NBAS: variants seen among roughly 807,000 people sequenced by gnomAD.
The protein encoded by NBAS is NAG/BC035112 fusion.
Under a neutral mutation model 302.5 loss-of-function variants are expected in NBAS, and 219 were observed. The observed-to-expected ratio is 0.72, with a 90% confidence interval of 0.65 to 0.81. NBAS has a LOEUF of 0.81. Among genes scored for constraint, NBAS ranks in the 30% least tolerant of loss-of-function variants. The pLI is 0.00. For synonymous variants in NBAS, 1,118 were observed against 1,021.6 expected (o/e 1.09, Z -1.80); for missense variants, 2,932 against 2,841.6 (o/e 1.03, Z -0.72).
At chr2:15,534,073 G>A (rs1286058756) in intron 9 of NBAS, among the ~76,000 whole-genome samples, 1 of 152,166 alleles carries the variant, frequency 6.6e-6, no homozygotes, top group Non-Finnish European at 1.5e-5. Context: ...CAATGTAGAT[G>A]CAAATACACA....
chr2:15,474,312 G>A lies in NBAS; in HGVS notation c.1354C>T (p.Leu452Phe), dbSNP rs751520196. The stretch of plus-strand genomic sequence containing the variant: ...TCCAAACGAGATCGTTTGGGGGCAA[G>A]TTTAATCTCACACTAAATTGAAAAA... ...GFLSLECEIK[L>F]APKRSRLETR... Residue 452 changes from leucine to phenylalanine, a missense_variant, in exon 15 of 52, where the codon CTT becomes TTT. By Grantham distance (22) the Leu-to-Phe change is conservative. Transcript: ENST00000281513. 1.6e-5 allele frequency: 26 copies of A among 1,612,816 alleles called. No homozygotes were observed. The highest frequency in any genetic ancestry group is 2.1e-5 in the Non-Finnish European group (25 of 1,179,336).
intron 48 of NBAS, among the ~76,000 whole-genome samples, chr2:15,191,428 T>G (rs1665350415): frequency 6.6e-6 from 1 of 152,214 alleles, no homozygotes; most frequent in Non-Finnish European, 1.5e-5. Context: ...ATGGGAAGCC[T>G]TGTTCACACA....
At chr2:15,358,080 T>C (rs1043147341) in intron 32 of NBAS, among the ~76,000 whole-genome samples, 2 of 152,144 alleles carry the variant, frequency 1.3e-5, no homozygotes, top group Admixed American at 6.5e-5. Flanking sequence ...GGCCTGTTGC[T>C]ACCAGCCAGA....
chr2:14,918,923 A>G, the NBAS span, among the ~76,000 whole-genome samples: 1 of 152,036 alleles, frequency 6.6e-6, no homozygotes, highest in Non-Finnish European at 1.5e-5. Flanking sequence ...GACAGAAGGA[A>G]TAGGGATGGC....
intron 21 of NBAS, among the ~76,000 whole-genome samples, chr2:15,431,070 G>C (rs1677741449): frequency 2.6e-5 from 4 of 151,642 alleles, no homozygotes; most frequent in African/African-American, 9.7e-5. Context: ...GCCTCCCAAA[G>C]TGCTGGGATT....
At chr2:15,126,638 G>A in the NBAS span, among the ~76,000 whole-genome samples, 1 of 152,166 alleles carries the variant, frequency 6.6e-6, no homozygotes, top group Non-Finnish European at 1.5e-5. Context: ...GAGAGTGGTG[G>A]TAATTATTTC....
At chr2:14,849,655 A>G in the NBAS span, among the ~76,000 whole-genome samples, 1 of 140,360 alleles carries the variant, frequency 7.1e-6, no homozygotes, top group Non-Finnish European at 1.5e-5. Context: ...GAAATGAAGG[A>G]AAAAGTGTTA....
intron 21 of NBAS, among the ~76,000 whole-genome samples, chr2:15,449,543 A>C (rs192779073): frequency 6.9e-4 from 105 of 152,310 alleles, no homozygotes; most frequent in African/African-American, 2.4e-3. Context: ...AACTACTCTG[A>C]AATAATACTG....
At chr2:15,371,922 TTAAG>T (rs1231929334) in intron 31 of NBAS, among the ~76,000 whole-genome samples, 1 of 152,170 alleles carries the variant, frequency 6.6e-6, no homozygotes, top group Non-Finnish European at 1.5e-5. Flanking sequence ...AAAAATACCT[TTAAG>T]TATAAAAATA....
chr2:15,256,099 C>T (rs981020879), intron 44 of NBAS, among the ~76,000 whole-genome samples: 2 of 151,698 alleles, frequency 1.3e-5, no homozygotes, highest in Non-Finnish European at 2.9e-5. Flanking sequence ...GAATGATGAT[C>T]GTATTTTGGT....
chr2:15,344,550 C>A (rs1448250163), intron 35 of NBAS, among the ~76,000 whole-genome samples: 2 of 152,062 alleles, frequency 1.3e-5, no homozygotes, highest in Non-Finnish European at 2.9e-5. Flanking sequence ...AGCCCAGGAC[C>A]AGATGGATTC....
intron 2 of NBAS, among the ~76,000 whole-genome samples, chr2:15,558,314 G>A (rs147696750): frequency 1.3e-5 from 2 of 152,264 alleles, no homozygotes; most frequent in African/African-American, 2.4e-5. Flanking sequence ...CATGGCCCAG[G>A]AATTGAGGAC....
chr2:14,837,733 C>A, the NBAS span, among the ~76,000 whole-genome samples: 1 of 151,256 alleles, frequency 6.6e-6, no homozygotes, highest in Non-Finnish European at 1.5e-5. Flanking sequence ...ATTTTATGAA[C>A]CCTAAAAAAA....
chr2:15,029,775 G>A, the NBAS span, among the ~76,000 whole-genome samples: 2 of 152,324 alleles, frequency 1.3e-5, no homozygotes, highest in African/African-American at 4.8e-5. Context: ...CAGAGTGCAG[G>A]CCTGCCTTTC....
At chr2:14,821,016 G>C in the NBAS span, among the ~76,000 whole-genome samples, 3 of 151,290 alleles carry the variant, frequency 2.0e-5, no homozygotes, top group Non-Finnish European at 4.4e-5. Flanking sequence ...CGCAAGCTCC[G>C]CCTCCCGGAT....
At chr2:15,022,337 T>C in the NBAS span, among the ~76,000 whole-genome samples, 5 of 152,214 alleles carry the variant, frequency 3.3e-5, no homozygotes, top group African/African-American at 1.2e-4. Context: ...TCTTCACTAC[T>C]ATCTAAGACG....
intron 25 of NBAS, among the ~76,000 whole-genome samples, chr2:15,410,614 T>C (rs1676636770): frequency 6.6e-6 from 1 of 152,122 alleles, no homozygotes; most frequent in South Asian, 2.1e-4. Context: ...TTCTAAGAAA[T>C]ATGAGGGAAA....
At chr2:15,366,070 G>A (rs1674181261) in intron 32 of NBAS, among the ~76,000 whole-genome samples, 1 of 152,162 alleles carries the variant, frequency 6.6e-6, no homozygotes, top group Non-Finnish European at 1.5e-5. Flanking sequence ...TCATTTATGA[G>A]ATGATTAAAT....
the NBAS span, among the ~76,000 whole-genome samples, chr2:14,897,368 A>T: frequency 5.3e-5 from 8 of 152,312 alleles, no homozygotes; most frequent in African/African-American, 1.9e-4. Context: ...CTCTGCTAAA[A>T]TGTATACTGT....
Sources: gnomAD v4.1 joint callset for allele counts (sites outside exome capture counted in the v4.1 genomes callset) on GRCh38, gnomAD v4.1.1 for gene constraint, MANE v1.5 for transcripts, NCBI Gene and HGNC (gene_info 2026-07-23, HGNC 2026-07-21) for gene names.